The following PRKN variants were observed in gnomAD, a reference collection of about 807,000 sequenced individuals.
PRKN encodes the protein E3 ubiquitin-protein ligase parkin.
PRKN carries 56 observed loss-of-function variants against 59.5 expected under a neutral mutation model. That is an observed-to-expected ratio of 0.94 (90% CI 0.76 to 1.18). PRKN has a LOEUF of 1.18. Among genes scored for constraint, PRKN ranks in the 50% most tolerant of loss-of-function variants. The pLI is 0.00. For synonymous variants in PRKN, 250 were observed against 222.1 expected (o/e 1.13, Z -1.12); for missense variants, 657 against 596.4 (o/e 1.10, Z -1.06).
chr6:162,036,062 C>G (rs147673910), intron 5 of PRKN, among the ~76,000 whole-genome samples: 2 of 152,050 alleles, frequency 1.3e-5, no homozygotes, highest in African/African-American at 4.8e-5. Context: ...CGGTGGCTCA[C>G]GCCTGTAATC....
At chr6:162,008,327 GC>G (rs1383649841) in intron 5 of PRKN, among the ~76,000 whole-genome samples, 18 of 152,120 alleles carry the variant, frequency 1.2e-4, no homozygotes, top group Non-Finnish European at 2.2e-4. Flanking sequence ...CCTGCTTCGT[GC>G]CCCGGGGGCC....
chr6:162,591,235 TAA>T (rs1220464255), intron 1 of PRKN, among the ~76,000 whole-genome samples: 3 of 152,008 alleles, frequency 2.0e-5, no homozygotes, highest in African/African-American at 7.2e-5. Context: ...TTTTTTTTTG[TAA>T]GTGTCACATC....
intron 4 of PRKN, among the ~76,000 whole-genome samples, chr6:162,158,565 G>A (rs1782625608): frequency 6.6e-6 from 1 of 151,858 alleles, no homozygotes; most frequent in Admixed American, 6.6e-5. Flanking sequence ...CAGAGTAGCT[G>A]GGACTACACT....
chr6:162,302,229 C>CTTGG (rs1781993294), intron 2 of PRKN, among the ~76,000 whole-genome samples: 1 of 152,114 alleles, frequency 6.6e-6, no homozygotes, highest in Non-Finnish European at 1.5e-5. Flanking sequence ...CATCTACCAC[C>CTTGG]TTGGACCCAA....
chr6:162,421,939 A>G (rs992490113), intron 2 of PRKN, among the ~76,000 whole-genome samples: 1 of 152,224 alleles, frequency 6.6e-6, no homozygotes, highest in Non-Finnish European at 1.5e-5. Context: ...GTTAAATAGG[A>G]AGTAATATCT....
chr6:162,246,676 A>G (rs1181917039), intron 3 of PRKN, among the ~76,000 whole-genome samples: 6 of 152,162 alleles, frequency 3.9e-5, no homozygotes, highest in African/African-American at 1.4e-4. Context: ...AATATGTGAT[A>G]AGGTTTCTAT....
chr6:162,104,653 C>A (rs1331858073), intron 4 of PRKN, among the ~76,000 whole-genome samples: 1 of 152,128 alleles, frequency 6.6e-6, no homozygotes, highest in African/African-American at 2.4e-5. Flanking sequence ...CAGGCGTGGA[C>A]TCTGGGATTC....
intron 7 of PRKN, among the ~76,000 whole-genome samples, chr6:161,612,395 T>C (rs1382398462): frequency 6.6e-6 from 1 of 152,180 alleles, no homozygotes; most frequent in African/African-American, 2.4e-5. Context: ...AATGCTCATT[T>C]ACCATTCCAA....
At chr6:162,679,193 G>A (rs933756529) in intron 1 of PRKN, among the ~76,000 whole-genome samples, 7 of 150,684 alleles carry the variant, frequency 4.6e-5, no homozygotes, top group African/African-American at 1.7e-4. Context: ...TCCACCTCCC[G>A]GGTTCAAGTG....
chr6:161,382,731 C>T (rs1008317170), intron 10 of PRKN, among the ~76,000 whole-genome samples: 1 of 152,190 alleles, frequency 6.6e-6, no homozygotes, highest in Non-Finnish European at 1.5e-5. Flanking sequence ...CAACGTAAAG[C>T]TTGTTCAATA....
intron 1 of PRKN, among the ~76,000 whole-genome samples, chr6:162,628,202 C>A (rs534615157): frequency 1.3e-5 from 2 of 151,912 alleles, no homozygotes; most frequent in African/African-American, 4.8e-5. Context: ...GATGAAGACG[C>A]AGAGGAAACA....
chr6:162,092,450 AT>A (rs1199104912), intron 4 of PRKN, among the ~76,000 whole-genome samples: 1 of 152,256 alleles, frequency 6.6e-6, no homozygotes. Context: ...GGTGATTATT[AT>A]AAAAAATTTT....
At chr6:162,032,767 C>T (rs139830168) in intron 5 of PRKN, among the ~76,000 whole-genome samples, 2 of 152,278 alleles carry the variant, frequency 1.3e-5, no homozygotes, top group Non-Finnish European at 2.9e-5. Context: ...CCCCATGAGA[C>T]AATGACTCAT....
chr6:161,563,439 C>T (rs185271278), intron 8 of PRKN, among the ~76,000 whole-genome samples: 44 of 152,242 alleles, frequency 2.9e-4, no homozygotes, highest in Non-Finnish European at 5.4e-4. Flanking sequence ...TGACTCCAGA[C>T]ATCATACCTG....
chr6:162,195,911 T>C (rs1028830878), intron 4 of PRKN, among the ~76,000 whole-genome samples: 3 of 152,240 alleles, frequency 2.0e-5, no homozygotes, highest in Non-Finnish European at 1.5e-5. Context: ...GACCAGATGC[T>C]GTATGTGCTC....
At chr6:161,813,603 T>A (rs546964334) in intron 6 of PRKN, among the ~76,000 whole-genome samples, 1 of 152,296 alleles carries the variant, frequency 6.6e-6, no homozygotes, top group South Asian at 2.1e-4. Context: ...CGCATCACCA[T>A]GACGACTCTC....
intron 9 of PRKN, among the ~76,000 whole-genome samples, chr6:161,392,265 T>A (rs1786545108): frequency 6.6e-6 from 1 of 151,638 alleles, no homozygotes; most frequent in South Asian, 2.1e-4. Flanking sequence ...GCACCTGTAA[T>A]CCCAGCTACT....
chr6:161,905,766 GC>G (rs1285013052), intron 6 of PRKN, among the ~76,000 whole-genome samples: 1 of 151,816 alleles, frequency 6.6e-6, no homozygotes, highest in East Asian at 1.9e-4. Flanking sequence ...TTCAAGACCA[GC>G]CTGGCCAACA....
intron 3 of PRKN, among the ~76,000 whole-genome samples, chr6:162,231,004 C>G (rs6927026): frequency 0.13 from 20,030 of 152,176 alleles, 1,459 homozygotes; most frequent in South Asian, 0.26. Flanking sequence ...GGTTCCTGTA[C>G]GACAAATGCT....
Sources: gnomAD v4.1 joint callset for allele counts (sites outside exome capture counted in the v4.1 genomes callset) on GRCh38, gnomAD v4.1.1 for gene constraint, MANE v1.5 for transcripts, NCBI Gene and HGNC (gene_info 2026-07-23, HGNC 2026-07-21) for gene names.